The following PKD2 variants were observed in gnomAD, a reference collection of about 807,000 sequenced individuals.
PKD2 encodes polycystin-2.
A neutral mutation model predicts 105.9 loss-of-function variants in PKD2; 48 were observed. The ratio of observed to expected loss-of-function variants is 0.45; its 90% CI spans 0.36 to 0.58. PKD2 has a LOEUF of 0.58. PKD2 is among the 20% of genes least tolerant of loss of function. PKD2 has a pLI of 0.00. For missense variants in PKD2, 1,078 were observed against 1,255.3 expected (o/e 0.86, Z 2.13); for synonymous variants, 464 against 481.1 (o/e 0.96, Z 0.46).
intron 4 of PKD2, among the ~76,000 whole-genome samples, chr4:88,042,659 A>G (rs1727609823): frequency 6.6e-6 from 1 of 152,070 alleles, no homozygotes; most frequent in Non-Finnish European, 1.5e-5. Flanking sequence ...GCTTCTTATT[A>G]TTATCCACCT....
chr4:88,049,664 C>T (rs1719967775), intron 6 of PKD2, among the ~76,000 whole-genome samples: 1 of 152,126 alleles, frequency 6.6e-6, no homozygotes, highest in African/African-American at 2.4e-5. Flanking sequence ...GACCTTCAAA[C>T]CAGTGGAAAG....
chr4:88,045,626 C>T (rs1257006148), intron 5 of PKD2, among the ~76,000 whole-genome samples: 1 of 152,126 alleles, frequency 6.6e-6, no homozygotes, highest in Non-Finnish European at 1.5e-5. Context: ...CTGAATCACC[C>T]AGCTTTCTCA....
chr4:88,024,457 G>GAA lies in PKD2; in HGVS notation c.709+4910_709+4911dup, dbSNP rs552942631. 8.0e-3 allele frequency among the ~76,000 whole-genome samples: 400 copies of GAA among 50,220 alleles called. 3 individuals are homozygous for GAA. The highest frequency in any genetic ancestry group is 0.012 in the African/African-American group (141 of 11,344). The allele number at this position is 50,220 out of a possible 152,430, so 32.9% of individuals were successfully genotyped here. ...GGGCAATAGAGCAACACTCTGTCTC[G>GAA]AAAAAAAAAAAAAAAAAAAAAAAAA... On this transcript the variant is annotated intron_variant, in intron 2 of 14. Coordinates refer to ENST00000237596, the MANE Select transcript of PKD2 (RefSeq NM_000297.4).
At chr4:88,059,332 T>C (rs1578143549) in intron 9 of PKD2, among the ~76,000 whole-genome samples, 2 of 152,268 alleles carry the variant, frequency 1.3e-5, no homozygotes, top group South Asian at 4.1e-4. Context: ...ATTAAAACAA[T>C]GGAGAGAAGA....
intron 6 of PKD2, among the ~76,000 whole-genome samples, chr4:88,050,549 G>A (rs1343059466): frequency 1.3e-5 from 2 of 152,298 alleles, no homozygotes; most frequent in East Asian, 3.9e-4. Context: ...TTGTATAAAT[G>A]ACCATCTTCT....
Position 88,052,191 on chromosome 4 carries a change from A to G in PKD2, c.1716+33A>G, listed in dbSNP as rs748489649. The stretch of plus-strand genomic sequence containing the variant: ...ATAAATTTCATGTTCTACATTTTAA[A>G]TAATATTTTCTTTAAAAAAAATGAG... On this transcript the variant is annotated intron_variant, in intron 7 of 14. Coordinates refer to ENST00000237596, the MANE Select transcript of PKD2 (RefSeq NM_000297.4). 8.2e-6 allele frequency: 11 copies of G among 1,339,820 alleles called. No homozygotes were observed. The South Asian group carries it at 1.4e-4, about 16-fold the overall frequency. The allele number at this position is 1,339,820 out of a possible 1,614,324, so 83.0% of individuals were successfully genotyped here.
At chr4:88,015,633 G>T (rs1023994933) in intron 1 of PKD2, among the ~76,000 whole-genome samples, 2 of 152,160 alleles carry the variant, frequency 1.3e-5, no homozygotes, top group Non-Finnish European at 2.9e-5. Context: ...TGTTAGATAG[G>T]CTGGTCTCAA....
At chr4:88,043,883 G>A (rs1480016668) in intron 5 of PKD2, among the ~76,000 whole-genome samples, 7 of 152,122 alleles carry the variant, frequency 4.6e-5, no homozygotes, top group African/African-American at 1.7e-4. Flanking sequence ...ACAGTAACCG[G>A]AGTGCTTGTA....
intron 1 of PKD2, among the ~76,000 whole-genome samples, chr4:88,012,399 C>T (rs375030761): frequency 6.6e-6 from 1 of 152,154 alleles, no homozygotes; most frequent in East Asian, 1.9e-4. Context: ...AGTGCCCAAA[C>T]CTAACTTTAG....
At chr4:88,060,679 G>A (rs1290942339) in intron 9 of PKD2, among the ~76,000 whole-genome samples, 1 of 152,238 alleles carries the variant, frequency 6.6e-6, no homozygotes, top group South Asian at 2.1e-4. Context: ...AAGTTGGTGG[G>A]GGGGAACCTG....
At chr4:88,069,871 A>G (rs182709244) in intron 13 of PKD2, among the ~76,000 whole-genome samples, 2 of 152,296 alleles carry the variant, frequency 1.3e-5, no homozygotes, top group East Asian at 3.9e-4. Context: ...TGTCAAATAT[A>G]TTACATTTCT....
Position 88,065,872 on chromosome 4 carries a change from A to G in PKD2, c.2351A>G (p.Lys784Arg), listed in dbSNP as rs932030159. The G allele has an allele frequency of 6.3e-7, 1 of 1,591,794 alleles. No homozygotes were observed. Among genetic ancestry groups the G allele is most frequent in the Non-Finnish European group, 8.6e-7 (1 of 1,159,634 alleles). The stretch of plus-strand genomic sequence containing the variant: ...CAGCAGATGAGAGACGACTTGGAGA[A>G]AGAGAGGGTGGGTCTGGTTTAGGAG... ...EHQQMRDDLE[K>R]EREDLDLDHS... The change falls in exon 12 of 15, where the codon AAA becomes AGA. Residue 784 changes from lysine to arginine, a missense_variant. By Grantham distance (26) the Lys-to-Arg change is conservative. Transcript: ENST00000237596.
chr4:88,042,557 C>G (rs1727606596), intron 4 of PKD2, among the ~76,000 whole-genome samples: 1 of 152,184 alleles, frequency 6.6e-6, no homozygotes, highest in African/African-American at 2.4e-5. Flanking sequence ...CAGCTTCTTC[C>G]TAAAGCCTTT....
chr4:88,060,080 G>A (rs1486705996), intron 9 of PKD2, among the ~76,000 whole-genome samples: 1 of 152,184 alleles, frequency 6.6e-6, no homozygotes. Context: ...ACACCTTCAA[G>A]AGCCTTTCTC....
intron 1 of PKD2, among the ~76,000 whole-genome samples, chr4:88,016,251 G>T (rs544441978): frequency 6.6e-6 from 1 of 152,258 alleles, no homozygotes; most frequent in East Asian, 1.9e-4. Flanking sequence ...ATGTACTCTG[G>T]CTTTGCATTC....
intron 1 of PKD2, among the ~76,000 whole-genome samples, chr4:88,013,293 C>G (rs1217663199): frequency 1.3e-5 from 2 of 152,088 alleles, no homozygotes; most frequent in East Asian, 1.9e-4. Context: ...GTGATAGGTA[C>G]TAGGGATGCA....
chr4:88,037,609 ATC>A (rs938097917), intron 3 of PKD2, among the ~76,000 whole-genome samples: 3 of 152,232 alleles, frequency 2.0e-5, no homozygotes, highest in Non-Finnish European at 4.4e-5. Flanking sequence ...ATCTTTCACC[ATC>A]TGAGTAGGGC....
intron 1 of PKD2, among the ~76,000 whole-genome samples, chr4:88,015,284 C>T (rs1726521145): frequency 6.6e-6 from 1 of 152,110 alleles, no homozygotes; most frequent in African/African-American, 2.4e-5. Context: ...TCAGCAGTGG[C>T]ATCAGATGGG....
chr4:88,059,976 A>G (rs1423309836), intron 9 of PKD2, among the ~76,000 whole-genome samples: 1 of 152,138 alleles, frequency 6.6e-6, no homozygotes, highest in Non-Finnish European at 1.5e-5. Flanking sequence ...CCCCACATCA[A>G]CAGGAAAGAC....
Sources: gnomAD v4.1 joint callset for allele counts (sites outside exome capture counted in the v4.1 genomes callset) on GRCh38, gnomAD v4.1.1 for gene constraint, MANE v1.5 for transcripts, NCBI Gene and HGNC (gene_info 2026-07-23, HGNC 2026-07-21) for gene names.